Variants in MYO5B observed in about 807,000 individuals in gnomAD.
MYO5B encodes unconventional myosin-Vb.
MYO5B carries 143 observed loss-of-function variants against 229.3 expected under a neutral mutation model. That is an observed-to-expected ratio of 0.62 (90% CI 0.54 to 0.72). The LOEUF (loss-of-function observed/expected upper bound fraction) is 0.72, where lower values mean the gene tolerates loss of function less well. Ranked by LOEUF, MYO5B falls within the 30% of genes least tolerant of loss-of-function variation. The pLI is 0.00. For synonymous variants in MYO5B, 918 were observed against 885.2 expected, an observed-to-expected ratio of 1.04 and a Z score of -0.66; for missense variants, 2,321 against 2,331.0, an observed-to-expected ratio of 1.00 and a Z score of 0.09.
At chr18:49,973,466 T>C (rs977992500) in intron 10 of MYO5B, among the ~76,000 whole-genome samples, 3 of 152,236 alleles carry the variant, frequency 2.0e-5, no homozygotes, top group Non-Finnish European at 2.9e-5. Flanking sequence ...TTCACTTCTA[T>C]GGATCTGAAT....
intron 2 of MYO5B, 35 bp downstream of exon 2, chr18:50,055,233 T>TCCCCCCCCCCC: frequency 3.6e-6 from 1 of 279,044 alleles, no homozygotes; most frequent in Admixed American, 4.1e-5. Context: ...CTGCCCCACC[T>TCCCCCCCCCCC]CACCCCCGCC....
chr18:49,826,239 GAAATC>G lies in MYO5B; in HGVS notation c.*227_*231del, dbSNP rs1477499003. ...ATAAATTATGTATATGTGTTGGACT[GAAATC>G]AAACTTAAAATCTTCCATATTTCAA... On this transcript the variant is annotated 3_prime_UTR_variant, in exon 40 of 40. Transcript: ENST00000285039. 4 of 534,156 alleles carry G rather than the reference GAAATC, an allele frequency of 7.5e-6. No individual in the cohort carries two copies. In the East Asian group the frequency reaches 1.1e-4, roughly 14 times the overall value. The allele number at this position is 534,156 out of a possible 1,614,324, so 33.1% of individuals were successfully genotyped here.
intron 4 of MYO5B, among the ~76,000 whole-genome samples, chr18:50,013,443 G>A (rs2026183298): frequency 6.6e-6 from 1 of 152,190 alleles, no homozygotes; most frequent in African/African-American, 2.4e-5. Flanking sequence ...TTCAATAGAT[G>A]AGAAAACGAC....
intron 1 of MYO5B, among the ~76,000 whole-genome samples, chr18:50,124,237 A>G (rs2032118674): frequency 6.6e-6 from 1 of 152,238 alleles, no homozygotes; most frequent in South Asian, 2.1e-4. Context: ...GTAACTGAAC[A>G]TTTTATTCTC....
In MYO5B at chr18:50,043,742, A is replaced by G. The variant is rs185004161; in HGVS notation, c.139-3428T>C. On this transcript the variant is annotated intron_variant, in intron 2 of 39. Coordinates refer to ENST00000285039, the MANE Select transcript of MYO5B (RefSeq NM_001080467.3). Reference sequence around the variant, plus strand: ...ATTACTCAGCCATAAAAAGGAATGAATGGCATTAGCAGCAATCTGGATGGG... The same window carrying G: ...ATTACTCAGCCATAAAAAGGAATGAGTGGCATTAGCAGCAATCTGGATGGG... Among the ~76,000 whole-genome samples the G allele has an allele frequency of 3.7e-3, 545 of 148,538 alleles. 2 individuals carry two copies. The highest frequency in any genetic ancestry group is 0.013 in the African/African-American group (521 of 40,416).
chr18:50,165,338 C>T (rs2032830717), intron 1 of MYO5B, among the ~76,000 whole-genome samples: 1 of 152,102 alleles, frequency 6.6e-6, no homozygotes, highest in Non-Finnish European at 1.5e-5. Flanking sequence ...GGAAAACTAG[C>T]CAGGCACGGT....
intron 8 of MYO5B, among the ~76,000 whole-genome samples, chr18:49,982,333 C>T (rs1324059440): frequency 2.0e-5 from 3 of 152,186 alleles, no homozygotes; most frequent in Non-Finnish European, 4.4e-5. Flanking sequence ...GTTGGGATTA[C>T]AGGCATGAGC....
At chr18:49,889,292 G>A (rs2144121795) in intron 22 of MYO5B, among the ~76,000 whole-genome samples, 1 of 152,294 alleles carries the variant, frequency 6.6e-6, no homozygotes, top group Middle Eastern at 3.4e-3. Context: ...TTCACTCAAT[G>A]ACTTCAGGAG....
intron 31 of MYO5B, among the ~76,000 whole-genome samples, chr18:49,852,939 A>G (rs1381312314): frequency 6.6e-6 from 1 of 152,148 alleles, no homozygotes; most frequent in Non-Finnish European, 1.5e-5. Flanking sequence ...AAGCTCTCAT[A>G]AGACAGGGGC....
At chr18:50,165,773 G>A (rs147710120) in intron 1 of MYO5B, among the ~76,000 whole-genome samples, 47 of 148,028 alleles carry the variant, frequency 3.2e-4, no homozygotes, top group African/African-American at 1.1e-3. Context: ...GCCAGACTCC[G>A]TCTGAAAGAA....
intron 1 of MYO5B, among the ~76,000 whole-genome samples, chr18:50,169,200 TC>T (rs1164537828): frequency 7.9e-6 from 1 of 126,984 alleles, no homozygotes; most frequent in Non-Finnish European, 1.7e-5. Context: ...TCCCTGCTAT[TC>T]AAGAGGCTGA....
chr18:49,843,971 G>T (rs572901880), intron 33 of MYO5B, among the ~76,000 whole-genome samples: 7 of 152,342 alleles, frequency 4.6e-5, no homozygotes, highest in Admixed American at 3.9e-4. Flanking sequence ...CAGCCAAATA[G>T]ATCAGGCAGG....
At chr18:50,064,166 A>G (rs1466864031) in intron 1 of MYO5B, 1 of 152,614 alleles carries the variant, frequency 6.6e-6, no homozygotes. Context: ...CTTTCAATGA[A>G]CTTGGATTGT....
chr18:50,051,435 A>AGG (rs1476987865), intron 2 of MYO5B, among the ~76,000 whole-genome samples: 1 of 152,202 alleles, frequency 6.6e-6, no homozygotes, highest in Non-Finnish European at 1.5e-5. Flanking sequence ...AATTTAAATT[A>AGG]AAAACCATGG....
chr18:49,998,330 G>A (rs1160673195), intron 5 of MYO5B, among the ~76,000 whole-genome samples: 1 of 152,092 alleles, frequency 6.6e-6, no homozygotes, highest in Non-Finnish European at 1.5e-5. Context: ...TCAAACCACT[G>A]TAGCATTTAT....
intron 1 of MYO5B, among the ~76,000 whole-genome samples, chr18:50,131,527 T>C (rs1477726028): frequency 1.3e-5 from 2 of 152,230 alleles, no homozygotes; most frequent in Non-Finnish European, 2.9e-5. Context: ...CTTTCTGACA[T>C]TGGCCACAAG....
chr18:50,092,859 T>C (rs1206389222), intron 1 of MYO5B, among the ~76,000 whole-genome samples: 4 of 152,178 alleles, frequency 2.6e-5, no homozygotes, highest in African/African-American at 4.8e-5. Flanking sequence ...AAATACTTTT[T>C]TCAAAAATTT....
intron 17 of MYO5B, among the ~76,000 whole-genome samples, chr18:49,927,243 C>T (rs2025139101): frequency 6.6e-6 from 1 of 152,044 alleles, no homozygotes; most frequent in African/African-American, 2.4e-5. Flanking sequence ...AATGGAAACA[C>T]ATCCCATGCT....
At chr18:50,039,680 T>C (rs989219006) in intron 3 of MYO5B, among the ~76,000 whole-genome samples, 2 of 152,204 alleles carry the variant, frequency 1.3e-5, no homozygotes, top group Admixed American at 6.5e-5. Flanking sequence ...ACTTTTAAAA[T>C]ATGTTATGAA....
Sources: allele counts gnomAD v4.1 joint callset (sites outside exome capture counted in the v4.1 genomes callset), GRCh38; gene constraint gnomAD v4.1.1; transcripts MANE v1.5; gene names NCBI Gene and HGNC (gene_info 2026-07-23, HGNC 2026-07-21).